Variants in SH3RF3 observed in about 807,000 individuals in gnomAD.
SH3RF3 encodes SH3 domain containing ring finger 3, also known as E3 ubiquitin-protein ligase SH3RF3.
Under a neutral mutation model 66.3 loss-of-function variants are expected in SH3RF3, and 29 were observed. That is an observed-to-expected ratio of 0.44 (90% CI 0.33 to 0.60). SH3RF3 has a LOEUF of 0.60. Among genes scored for constraint, SH3RF3 ranks in the 20% least tolerant of loss-of-function variants. The pLI is 0.04. For synonymous variants in SH3RF3, 583 were observed against 532.0 expected, an observed-to-expected ratio of 1.10 and a Z score of -1.32; for missense variants, 1,194 against 1,190.9, an observed-to-expected ratio of 1.00 and a Z score of -0.04.
chr2:109,277,409 G>A (rs542753569), intron 1 of SH3RF3, among the ~76,000 whole-genome samples: 5 of 152,308 alleles, frequency 3.3e-5, no homozygotes, highest in African/African-American at 9.6e-5. Context: ...TCAACTTTGT[G>A]TTCTCAATTA....
intron 1 of SH3RF3, among the ~76,000 whole-genome samples, chr2:109,165,730 C>T (rs544962676): frequency 2.9e-4 from 44 of 152,160 alleles, no homozygotes; most frequent in Non-Finnish European, 5.6e-4. Flanking sequence ...TTTCTGCTGC[C>T]CCCACTCTCC....
chr2:109,285,729 A>G (rs1681017049), intron 1 of SH3RF3, among the ~76,000 whole-genome samples: 1 of 152,210 alleles, frequency 6.6e-6, no homozygotes, highest in Non-Finnish European at 1.5e-5. Flanking sequence ...AGCCTGGTCC[A>G]GTGTGAGCAA....
intron 5 of SH3RF3, among the ~76,000 whole-genome samples, chr2:109,430,704 T>C (rs1042512480): frequency 6.6e-6 from 1 of 152,260 alleles, no homozygotes; most frequent in Non-Finnish European, 1.5e-5. Flanking sequence ...AATCACACCC[T>C]GGTTTCTCTC....
Position 109,130,132 on chromosome 2 carries a change from G to A in SH3RF3, c.573+19G>A. The stretch of plus-strand genomic sequence containing the variant: ...GGCAAAGGTGAGTATCTGTCTCGGC[G>A]GAAGTGGCCACGGCACGTGGGAGTG... On this transcript the variant is annotated intron_variant, in intron 1 of 9. Coordinates refer to ENST00000309415, the MANE Select transcript of SH3RF3 (RefSeq NM_001099289.3). 1 of 1,285,956 alleles carries A rather than the reference G, an allele frequency of 7.8e-7. No individual in the cohort carries two copies. Among genetic ancestry groups the A allele is most frequent in the Non-Finnish European group, 9.8e-7 (1 of 1,019,064 alleles). 79.7% of individuals were successfully genotyped at this position (1,285,956 alleles called of 1,614,324 possible). A position where few individuals can be genotyped will look rare whatever the true frequency, so the allele number is the denominator to read the frequency against.
chr2:109,172,624 C>T (rs1347754511), intron 1 of SH3RF3, among the ~76,000 whole-genome samples: 1 of 152,188 alleles, frequency 6.6e-6, no homozygotes, highest in Non-Finnish European at 1.5e-5. Flanking sequence ...AGCAGCATCA[C>T]CTCTCCGGAG....
chr2:109,274,546 G>A (rs1680704987), intron 1 of SH3RF3, among the ~76,000 whole-genome samples: 1 of 152,226 alleles, frequency 6.6e-6, no homozygotes, highest in Non-Finnish European at 1.5e-5. Context: ...GTCACATATT[G>A]TATGATTTCA....
At chr2:109,418,618 C>G (rs1385607284) in intron 4 of SH3RF3, among the ~76,000 whole-genome samples, 2 of 152,180 alleles carry the variant, frequency 1.3e-5, no homozygotes, top group East Asian at 3.9e-4. Flanking sequence ...GGTGCCCACT[C>G]TAATCAAGGA....
chr2:109,416,198 C>T, intron 4 of SH3RF3, among the ~76,000 whole-genome samples: 1 of 152,190 alleles, frequency 6.6e-6, no homozygotes, highest in South Asian at 2.1e-4. Flanking sequence ...AACAAGACTG[C>T]CTCATGCCTT....
intron 1 of SH3RF3, among the ~76,000 whole-genome samples, chr2:109,224,445 T>C (rs940299851): frequency 2.0e-5 from 3 of 152,218 alleles, no homozygotes; most frequent in African/African-American, 7.2e-5. Flanking sequence ...TTTGAGGTCA[T>C]GTGCATAGCA....
At chr2:109,259,939 G>A (rs1198239980) in intron 1 of SH3RF3, among the ~76,000 whole-genome samples, 2 of 152,140 alleles carry the variant, frequency 1.3e-5, no homozygotes, top group Non-Finnish European at 2.9e-5. Context: ...CTCTGCAGAT[G>A]ATATCCATGT....
At chr2:109,172,704 G>C (rs1251018381) in intron 1 of SH3RF3, among the ~76,000 whole-genome samples, 1 of 152,134 alleles carries the variant, frequency 6.6e-6, no homozygotes, top group African/African-American at 2.4e-5. Context: ...TTAGAAATGG[G>C]GACACATGTC....
chr2:109,457,193 A>G (rs940369176), intron 8 of SH3RF3, among the ~76,000 whole-genome samples: 2 of 152,242 alleles, frequency 1.3e-5, no homozygotes, highest in African/African-American at 4.8e-5. Context: ...AGTATTTAGA[A>G]CAAAAGTATT....
At chr2:109,239,628 CAG>C (rs1679732902) in intron 1 of SH3RF3, among the ~76,000 whole-genome samples, 1 of 152,050 alleles carries the variant, frequency 6.6e-6, no homozygotes, top group Non-Finnish European at 1.5e-5. Context: ...TCCAGGATAA[CAG>C]GGAGGAAAGA....
chr2:109,149,837 T>C (rs1443077053), intron 1 of SH3RF3, among the ~76,000 whole-genome samples: 1 of 152,234 alleles, frequency 6.6e-6, no homozygotes, highest in African/African-American at 2.4e-5. Context: ...TTGGACTTAA[T>C]TAAGATTAAA....
At chr2:109,462,891 G>A (rs1678242957) in intron 8 of SH3RF3, among the ~76,000 whole-genome samples, 3 of 152,144 alleles carry the variant, frequency 2.0e-5, no homozygotes, top group Non-Finnish European at 2.9e-5. Flanking sequence ...TTTGGCTCTC[G>A]TCAACTTAGG....
intron 1 of SH3RF3, among the ~76,000 whole-genome samples, chr2:109,316,240 C>G (rs566675459): frequency 6.6e-6 from 1 of 152,338 alleles, no homozygotes; most frequent in Non-Finnish European, 1.5e-5. Context: ...CGCAGCAGAT[C>G]TGCACAGCTC....
chr2:109,367,825 A>C (rs569101761), intron 2 of SH3RF3, among the ~76,000 whole-genome samples: 1 of 152,194 alleles, frequency 6.6e-6, no homozygotes, highest in African/African-American at 2.4e-5. Context: ...AGGAGTGGCT[A>C]TTTGTAGCTC....
chr2:109,146,341 G>T (rs998594110), intron 1 of SH3RF3, among the ~76,000 whole-genome samples: 2 of 152,128 alleles, frequency 1.3e-5, no homozygotes, highest in African/African-American at 2.4e-5. Context: ...CTTCCCAAAG[G>T]TGGCCAGGGC....
intron 3 of SH3RF3, among the ~76,000 whole-genome samples, chr2:109,397,362 T>C (rs940956428): frequency 6.6e-6 from 1 of 152,192 alleles, no homozygotes; most frequent in African/African-American, 2.4e-5. Context: ...CCCAGCCTGA[T>C]GGCATTTGCC....
Sources: allele counts gnomAD v4.1 joint callset (sites outside exome capture counted in the v4.1 genomes callset), GRCh38; gene constraint gnomAD v4.1.1; transcripts MANE v1.5; gene names NCBI Gene and HGNC (gene_info 2026-07-23, HGNC 2026-07-21).